PTCHD4: variants seen among roughly 807,000 people sequenced by gnomAD.
PTCHD4 encodes patched domain-containing protein 4.
Under a neutral mutation model 58.1 loss-of-function variants are expected in PTCHD4, and 33 were observed. The ratio of observed to expected loss-of-function variants is 0.57; its 90% CI spans 0.43 to 0.76. The LOEUF (loss-of-function observed/expected upper bound fraction) is 0.76, where lower values mean the gene tolerates loss of function less well. Ranked by LOEUF, PTCHD4 falls within the 30% of genes least tolerant of loss-of-function variation. PTCHD4 has a pLI of 0.00. For missense variants in PTCHD4, 1,058 were observed against 1,027.1 expected, an observed-to-expected ratio of 1.03 and a Z score of -0.41; for synonymous variants, 478 against 409.6, an observed-to-expected ratio of 1.17 and a Z score of -2.02.
At chr6:47,946,485 C>T (rs1437098156) in intron 4 of PTCHD4, among the ~76,000 whole-genome samples, 1 of 152,024 alleles carries the variant, frequency 6.6e-6, no homozygotes, top group African/African-American at 2.4e-5. Flanking sequence ...GTCTTTTGTT[C>T]CCCCAATATC....
At chr6:48,095,344 C>T (rs1765443033) in intron 1 of PTCHD4, among the ~76,000 whole-genome samples, 2 of 152,130 alleles carry the variant, frequency 1.3e-5, no homozygotes, top group Non-Finnish European at 2.9e-5. Context: ...GATATCTCTT[C>T]TCCTTGTGGA....
intron 3 of PTCHD4, among the ~76,000 whole-genome samples, chr6:48,040,298 T>C (rs2114150127): frequency 6.6e-6 from 1 of 152,186 alleles, no homozygotes; most frequent in Admixed American, 6.6e-5. Flanking sequence ...GACTATTTTC[T>C]CCTATTGTGA....
chr6:48,084,122 G>C (rs750036762), intron 1 of PTCHD4, among the ~76,000 whole-genome samples: 1 of 151,892 alleles, frequency 6.6e-6, no homozygotes, highest in Non-Finnish European at 1.5e-5. Context: ...TCTTAATGTT[G>C]ATCTGGAATG....
chr6:47,922,645 C>G (rs1468071973), intron 4 of PTCHD4, among the ~76,000 whole-genome samples: 2 of 152,188 alleles, frequency 1.3e-5, no homozygotes, highest in Non-Finnish European at 2.9e-5. Flanking sequence ...CCTTCATTCC[C>G]TTGGCGGGGT....
At chr6:48,081,350 A>C (rs940321514) in intron 1 of PTCHD4, among the ~76,000 whole-genome samples, 6 of 152,204 alleles carry the variant, frequency 3.9e-5, no homozygotes, top group African/African-American at 1.4e-4. Flanking sequence ...ATGGCAATAC[A>C]GCATGGTAGA....
At chr6:48,047,766 G>C (rs1264781632) in intron 3 of PTCHD4, among the ~76,000 whole-genome samples, 3 of 151,782 alleles carry the variant, frequency 2.0e-5, no homozygotes, top group African/African-American at 7.2e-5. Context: ...AGAGAGAAAA[G>C]AGCAGTCTAT....
rs1763506622 is a variant in PTCHD4, at chr6:47,864,481, T to A, written c.*13822A>T. Among the ~76,000 whole-genome samples the A allele has an allele frequency of 6.6e-6, 1 of 151,846 alleles. No homozygotes were observed. Among genetic ancestry groups the A allele is most frequent in the Admixed American group, 6.6e-5 (1 of 15,222 alleles). ...CTTCTTGAATGAAAGATTTGGAGAA[T>A]AAAGGGGTTAATAGATAATTACATT... On this transcript the variant is annotated 3_prime_UTR_variant, in exon 5 of 5. Coordinates refer to ENST00000339488, the MANE Select transcript of PTCHD4 (RefSeq NM_001384253.1).
intron 4 of PTCHD4, among the ~76,000 whole-genome samples, chr6:47,918,681 A>C (rs1191772361): frequency 1.3e-5 from 2 of 152,186 alleles, no homozygotes; most frequent in African/African-American, 4.8e-5. Context: ...TGGAAAAAAA[A>C]ATCACTTCAA....
At chr6:47,943,477 T>C (rs1404954711) in intron 4 of PTCHD4, among the ~76,000 whole-genome samples, 1 of 152,018 alleles carries the variant, frequency 6.6e-6, no homozygotes, top group African/African-American at 2.4e-5. Context: ...ACACGTGCTG[T>C]GGGGAGGCAG....
rs1268298100 is a variant in PTCHD4 at position 48,069,556 on chromosome 6, G to A, written c.-599C>T. On this transcript the variant is annotated 5_prime_UTR_variant, in exon 2 of 5. Transcript: ENST00000339488. ...TGATTCCACAGACCAGTCCGCTGCA[G>A]CTGAGGGCTGCGGAGACTCCATCTA... 6.6e-6 allele frequency among the ~76,000 whole-genome samples: 1 copy of A among 152,224 alleles called. No individual in the cohort carries two copies. The highest frequency in any genetic ancestry group is 2.4e-5 in the African/African-American group (1 of 41,460).
chr6:48,079,510 A>G (rs1382694273), intron 1 of PTCHD4, among the ~76,000 whole-genome samples: 1 of 151,974 alleles, frequency 6.6e-6, no homozygotes, highest in African/African-American at 2.4e-5. Flanking sequence ...ATAGAAGAGT[A>G]CAGTATTCCC....
At position 47,867,097 on chromosome 6, in the gene PTCHD4, C is replaced by T. The variant is rs1017649944; in HGVS notation, c.*11206G>A. Among the ~76,000 whole-genome samples the T allele has an allele frequency of 6.6e-6, 1 of 151,670 alleles. No homozygotes were observed. The highest frequency in any genetic ancestry group is 2.4e-5 in the African/African-American group (1 of 41,334). On this transcript the variant is annotated 3_prime_UTR_variant, in exon 5 of 5. Transcript: ENST00000339488. ...AATCTATAAATCAGGGACAATAATA[C>T]CTATTCTATTAGGCAGGTATTATTT...
chr6:47,888,313 C>T (rs908698668), intron 4 of PTCHD4, among the ~76,000 whole-genome samples: 33 of 152,004 alleles, frequency 2.2e-4, no homozygotes, highest in Non-Finnish European at 8.8e-5. Context: ...GCCAAGATAG[C>T]GCCACTGCAC....
In PTCHD4 at chr6:47,918,038, C is replaced by T. The variant is rs1265439292; in HGVS notation, c.899-38102G>A. ...AGAGGGGAAAAATCAGCAGAGGAAA[C>T]AGCTTCTAAGTACGTGTTTTCTATC... On this transcript the variant is annotated intron_variant, in intron 4 of 4. Coordinates refer to ENST00000339488, the MANE Select transcript of PTCHD4 (RefSeq NM_001384253.1). Among the ~76,000 whole-genome samples, 4 of 152,042 alleles carry T rather than the reference C, an allele frequency of 2.6e-5. No individual in the cohort carries two copies. In the East Asian group the frequency reaches 5.8e-4, roughly 22 times the overall value.
intron 4 of PTCHD4, among the ~76,000 whole-genome samples, chr6:47,924,810 A>G (rs1765544230): frequency 1.3e-5 from 2 of 152,078 alleles, no homozygotes; most frequent in Admixed American, 1.3e-4. Flanking sequence ...TTACTCAACT[A>G]ATTCAAGCCT....
rs1157092704 is a variant in PTCHD4 at position 47,865,369 on chromosome 6, A to G, written c.*12934T>C. 6.6e-6 allele frequency among the ~76,000 whole-genome samples: 1 copy of G among 151,908 alleles called. No individual in the cohort carries two copies. Among genetic ancestry groups the G allele is most frequent in the Non-Finnish European group, 1.5e-5 (1 of 67,888 alleles). On this transcript the variant is annotated 3_prime_UTR_variant, in exon 5 of 5. Transcript: ENST00000339488. ...TCAACTGTTCTGTAAAGATAAAGCA[A>G]TTTCCTGAAAATTTGTGGTAAAGCT...
intron 3 of PTCHD4, among the ~76,000 whole-genome samples, chr6:48,015,565 AATGCTTTCTTC>A (rs1213448768): frequency 2.6e-5 from 4 of 151,878 alleles, no homozygotes; most frequent in South Asian, 2.1e-4. Context: ...CTCTGCCTGA[AATGCTTTCTTC>A]TGCCAAGACT....
At chr6:48,083,835 G>C (rs2113895948) in intron 1 of PTCHD4, among the ~76,000 whole-genome samples, 1 of 152,274 alleles carries the variant, frequency 6.6e-6, no homozygotes, top group African/African-American at 2.4e-5. Flanking sequence ...TTTAAAATCT[G>C]AATGAATTTA....
rs927564999 is a variant in PTCHD4 at position 47,996,085 on chromosome 6, T to A, written c.898+12549A>T. Reference sequence around the variant, plus strand: ...AAGATTATTTCAAACTTTTATATATTTTTTTCGTTCATAGTAATTTTTTAT... The same window carrying A: ...AAGATTATTTCAAACTTTTATATATATTTTTCGTTCATAGTAATTTTTTAT... On this transcript the variant is annotated intron_variant, in intron 4 of 4. Transcript: ENST00000339488. Among the ~76,000 whole-genome samples, 6 of 152,320 alleles carry A rather than the reference T, an allele frequency of 3.9e-5. No homozygotes were observed. The East Asian group carries it at 1.2e-3, about 29-fold the overall frequency.
Sources: allele counts gnomAD v4.1 joint callset (sites outside exome capture counted in the v4.1 genomes callset), GRCh38; gene constraint gnomAD v4.1.1; transcripts MANE v1.5; gene names NCBI Gene and HGNC (gene_info 2026-07-23, HGNC 2026-07-21).